Variants in DBF4B observed in about 807,000 individuals in gnomAD.
The protein encoded by DBF4B is DBF4B-CDC7 kinase regulatory subunit, also known as protein DBF4 homolog B.
Under a neutral mutation model 53.4 loss-of-function variants are expected in DBF4B, and 49 were observed. The ratio of observed to expected loss-of-function variants is 0.92; its 90% CI spans 0.73 to 1.16. DBF4B has a LOEUF of 1.16. Among genes scored for constraint, DBF4B ranks in the 50% most tolerant of loss-of-function variants. The probability of loss-of-function intolerance (pLI) is 0.00; values close to 1 mark genes in which losing one functional copy is unlikely to be tolerated. For synonymous variants in DBF4B, 257 were observed against 288.7 expected (o/e 0.89, Z 1.11); for missense variants, 692 against 775.0 (o/e 0.89, Z 1.27).
At chr17:44,723,076 A>G in intron 3 of DBF4B, 54 bp downstream of exon 3, 2 of 1,603,888 alleles carry the variant, frequency 1.2e-6, no homozygotes, top group Non-Finnish European at 1.7e-6. Flanking sequence ...GGCTTAGAGC[A>G]GGAGTTGGAT....
intron 6 of DBF4B, among the ~76,000 whole-genome samples, chr17:44,733,394 C>T (rs1264751138): frequency 1.3e-5 from 2 of 152,188 alleles, no homozygotes; most frequent in Non-Finnish European, 2.9e-5. Flanking sequence ...ACACTGTAAA[C>T]AACCTGTTTG....
chr17:44,729,762 C>A (rs914457270), intron 3 of DBF4B, 143 bp from the exon 4 acceptor site: 3 of 772,374 alleles, frequency 3.9e-6, no homozygotes, highest in Non-Finnish European at 6.0e-6. Flanking sequence ...TTCTTAGGAA[C>A]TTGGTATGAA....
At chr17:44,730,541 C>G (rs1230511470) in intron 4 of DBF4B, among the ~76,000 whole-genome samples, 1 of 152,132 alleles carries the variant, frequency 6.6e-6, no homozygotes, top group Non-Finnish European at 1.5e-5. Flanking sequence ...CTTATTTTGT[C>G]TAACATATTA....
At chr17:44,744,550 C>T (rs937692780) in intron 10 of DBF4B, among the ~76,000 whole-genome samples, 4 of 152,062 alleles carry the variant, frequency 2.6e-5, no homozygotes, top group African/African-American at 4.8e-5. Flanking sequence ...AAATCATGTT[C>T]AGAGTAAATT....
chr17:44,748,970 C>T (rs1332394536), intron 13 of DBF4B: 5 of 1,289,786 alleles, frequency 3.9e-6, no homozygotes, highest in South Asian at 1.2e-5. Flanking sequence ...GCCACACAGC[C>T]CTCCTGGCTG....
At chr17:44,738,178 C>A (rs547827805) in intron 8 of DBF4B, among the ~76,000 whole-genome samples, 27 of 152,382 alleles carry the variant, frequency 1.8e-4, no homozygotes, top group Admixed American at 5.9e-4. Context: ...CCTATCCCCC[C>A]ACTGGTGCAA....
intron 9 of DBF4B, among the ~76,000 whole-genome samples, chr17:44,740,399 C>T (rs1037180361): frequency 6.6e-6 from 1 of 152,154 alleles, no homozygotes; most frequent in Non-Finnish European, 1.5e-5. Context: ...ACACAGATCA[C>T]TTCTGTCTCT....
Position 44,748,449 on chromosome 17 carries a change from C to T in DBF4B, c.1173C>T (p.Asp391=). 6.2e-7 allele frequency: 1 copy of T among 1,614,090 alleles called. No homozygotes were observed. ...RAASPRIRKE[D]SCQASVTQGR... ...CATCTCCCAGGATAAGGAAAGAAGA[C>T]AGCTGCCAGGCATCAGGTATCCCAG... The change falls in exon 13 of 14, where the codon GAC becomes GAT. Residue 391 remains aspartate (D), a synonymous_variant. Transcript: ENST00000315005.
chr17:44,710,121 C>G (rs1020399604), intron 2 of DBF4B, among the ~76,000 whole-genome samples: 3 of 151,660 alleles, frequency 2.0e-5, no homozygotes, highest in Admixed American at 2.0e-4. Flanking sequence ...TGCAGCGAGC[C>G]GAGATTGCGC....
intron 6 of DBF4B, among the ~76,000 whole-genome samples, chr17:44,733,258 T>C (rs1197340150): frequency 2.0e-5 from 3 of 152,224 alleles, no homozygotes; most frequent in African/African-American, 7.2e-5. Context: ...CTGTCCCCAT[T>C]ATACAGATGA....
At chr17:44,727,571 T>G (rs1370333127) in intron 3 of DBF4B, among the ~76,000 whole-genome samples, 1 of 152,216 alleles carries the variant, frequency 6.6e-6, no homozygotes, top group African/African-American at 2.4e-5. Flanking sequence ...TGAGGATGGA[T>G]AGAATGAGGA....
At chr17:44,733,020 C>G (rs371724395) in intron 6 of DBF4B, 1 of 151,968 alleles carries the variant, frequency 6.6e-6, no homozygotes, top group African/African-American at 2.4e-5. Context: ...AAAAAATCAG[C>G]CGGGCGTGGT....
chr17:44,722,255 CTTG>C (rs577022383), intron 2 of DBF4B, among the ~76,000 whole-genome samples: 219 of 152,232 alleles, frequency 1.4e-3, no homozygotes, highest in African/African-American at 4.9e-3. Flanking sequence ...CACACTTTGT[CTTG>C]TTGTTTTTCA....
intron 10 of DBF4B, among the ~76,000 whole-genome samples, chr17:44,744,939 G>C (rs1976455283): frequency 6.6e-6 from 1 of 151,914 alleles, no homozygotes; most frequent in African/African-American, 2.4e-5. Flanking sequence ...GATTTGTAAG[G>C]AGCCCTTCTC....
At chr17:44,728,580 A>T (rs1974555419) in intron 3 of DBF4B, among the ~76,000 whole-genome samples, 1 of 152,126 alleles carries the variant, frequency 6.6e-6, no homozygotes, top group Non-Finnish European at 1.5e-5. Context: ...GCACTTTGGG[A>T]GTCCAAGGCG....
intron 2 of DBF4B, 148 bp downstream of exon 2, chr17:44,709,514 T>A (rs1972674925): frequency 3.2e-6 from 3 of 943,232 alleles, no homozygotes; most frequent in Non-Finnish European, 4.9e-6. Context: ...TGGGATGGGG[T>A]CTTGCTGTGT....
chr17:44,723,168 ATG>A, intron 3 of DBF4B, 146 bp downstream of exon 3: 3 of 1,139,796 alleles, frequency 2.6e-6, no homozygotes, highest in Non-Finnish European at 3.6e-6. Context: ...GTGCAGTGGC[ATG>A]ATCTCAGCTC....
Position 44,708,773 on chromosome 17 carries a change from G to T in DBF4B, c.-48G>T. 3 of 1,547,688 alleles carry T rather than the reference G, an allele frequency of 1.9e-6. No homozygotes were observed. Among genetic ancestry groups the T allele is most frequent in the Middle Eastern group, 1.7e-4 (1 of 5,962 alleles). On this transcript the variant is annotated 5_prime_UTR_variant, in exon 1 of 14. Transcript: ENST00000315005. ...TCATGGAGCTCGCGAATGTAATACG[G>T]AGGCCTCTGAGGAAGGAGTACGGAG...
At chr17:44,721,117 C>T (rs1322904365) in intron 2 of DBF4B, among the ~76,000 whole-genome samples, 1 of 152,108 alleles carries the variant, frequency 6.6e-6, no homozygotes, top group Non-Finnish European at 1.5e-5. Flanking sequence ...CCACCTGCCT[C>T]AGCCTCCCAA....
Sources: gnomAD v4.1 joint callset for allele counts (sites outside exome capture counted in the v4.1 genomes callset) on GRCh38, gnomAD v4.1.1 for gene constraint, MANE v1.5 for transcripts, NCBI Gene and HGNC (gene_info 2026-07-23, HGNC 2026-07-21) for gene names.